The following DGKI variants were observed in gnomAD, a reference collection of about 807,000 sequenced individuals.
DGKI encodes DAG kinase iota.
In DGKI, 55 loss-of-function variants were observed where a neutral mutation model predicts 147.5. The ratio of observed to expected loss-of-function variants is 0.37; its 90% CI spans 0.30 to 0.47. The LOEUF (loss-of-function observed/expected upper bound fraction) is 0.47. DGKI is among the 20% of genes least tolerant of loss of function. The pLI is 1.00. For missense variants in DGKI, 1,007 were observed against 1,323.8 expected (o/e 0.76, Z 3.71); for synonymous variants, 469 against 477.1 (o/e 0.98, Z 0.22).
intron 14 of DGKI, among the ~76,000 whole-genome samples, chr7:137,584,479 C>G (rs1305210352): frequency 6.6e-6 from 1 of 152,118 alleles, no homozygotes; most frequent in Non-Finnish European, 1.5e-5. Flanking sequence ...AATAAAAGCT[C>G]AATCACTAAA....
At chr7:137,394,837 G>T (rs1377225822) in intron 32 of DGKI, among the ~76,000 whole-genome samples, 2 of 152,166 alleles carry the variant, frequency 1.3e-5, no homozygotes, top group Non-Finnish European at 2.9e-5. Context: ...TTGTTATGTG[G>T]CTGGGGTGTT....
chr7:137,566,801 A>T (rs544424538), intron 19 of DGKI, among the ~76,000 whole-genome samples: 7 of 152,270 alleles, frequency 4.6e-5, no homozygotes, highest in African/African-American at 1.7e-4. Flanking sequence ...AACTCTAAAC[A>T]TATATTTTAA....
intron 1 of DGKI, among the ~76,000 whole-genome samples, chr7:137,784,651 C>T (rs1402846295): frequency 6.6e-6 from 1 of 152,090 alleles, no homozygotes; most frequent in Non-Finnish European, 1.5e-5. Flanking sequence ...GAACATTCTA[C>T]CCAACAACTA....
chr7:137,588,955 A>C (rs1195588888), intron 12 of DGKI, among the ~76,000 whole-genome samples: 1 of 152,180 alleles, frequency 6.6e-6, no homozygotes, highest in African/African-American at 2.4e-5. Flanking sequence ...AGTTTACACG[A>C]TATAGATGGC....
chr7:137,493,909 C>T, intron 21 of DGKI: 1 of 608,326 alleles, frequency 1.6e-6, no homozygotes, highest in South Asian at 2.0e-5. Context: ...AAGTTAACAC[C>T]CAATCCAAAA....
At chr7:137,809,188 A>G (rs923097769) in intron 1 of DGKI, among the ~76,000 whole-genome samples, 5 of 152,212 alleles carry the variant, frequency 3.3e-5, no homozygotes, top group Admixed American at 1.3e-4. Context: ...GGGAAATGAC[A>G]GAATCTGATC....
At chr7:137,504,485 T>C (rs983520236) in intron 21 of DGKI, among the ~76,000 whole-genome samples, 1 of 152,180 alleles carries the variant, frequency 6.6e-6, no homozygotes, top group African/African-American at 2.4e-5. Flanking sequence ...TAAAAAAGGT[T>C]ATCACCTTCT....
intron 19 of DGKI, among the ~76,000 whole-genome samples, chr7:137,557,078 C>T (rs1006238902): frequency 1.3e-5 from 2 of 152,130 alleles, no homozygotes; most frequent in Non-Finnish European, 2.9e-5. Flanking sequence ...GGGTCTCTAG[C>T]CTGTCAGCCT....
chr7:137,538,672 G>A lies in DGKI; in HGVS notation c.2147+13697C>T, dbSNP rs112639919. 5.7e-3 allele frequency among the ~76,000 whole-genome samples: 865 copies of A among 152,286 alleles called. 13 individuals are homozygous for A. The highest frequency in any genetic ancestry group is 0.02 in the African/African-American group (826 of 41,556). ...CAGTGGGCAAGAAGAAATGCAGTCCGATAGTTCTCTGCTTCAAAAAACAGG... is the reference window on the plus strand; with the variant it reads ...CAGTGGGCAAGAAGAAATGCAGTCCAATAGTTCTCTGCTTCAAAAAACAGG... On this transcript the variant is annotated intron_variant, in intron 20 of 32. Coordinates refer to ENST00000614521, the MANE Select transcript of DGKI (RefSeq NM_001321708.2).
chr7:137,658,305 T>C (rs917782195), intron 3 of DGKI, among the ~76,000 whole-genome samples: 1 of 152,190 alleles, frequency 6.6e-6, no homozygotes. Flanking sequence ...AAGCAAATCA[T>C]GGTTTCCCTT....
At chr7:137,640,203 T>C (rs1205615939) in intron 6 of DGKI, among the ~76,000 whole-genome samples, 2 of 152,060 alleles carry the variant, frequency 1.3e-5, no homozygotes, top group East Asian at 1.9e-4. Flanking sequence ...GACGAATCTA[T>C]AGGATATTAC....
intron 1 of DGKI, among the ~76,000 whole-genome samples, chr7:137,747,886 T>A (rs1795387239): frequency 6.6e-6 from 1 of 152,224 alleles, no homozygotes; most frequent in Non-Finnish European, 1.5e-5. Flanking sequence ...TTTGTTTTGC[T>A]AAATTGATCA....
At chr7:137,671,137 A>C (rs1258024786) in intron 3 of DGKI, among the ~76,000 whole-genome samples, 1 of 152,182 alleles carries the variant, frequency 6.6e-6, no homozygotes, top group Non-Finnish European at 1.5e-5. Context: ...AGAAAGCTGA[A>C]AGTTTCCTTC....
At chr7:137,452,212 G>A (rs1370312175) in intron 27 of DGKI, among the ~76,000 whole-genome samples, 1 of 152,172 alleles carries the variant, frequency 6.6e-6, no homozygotes, top group Non-Finnish European at 1.5e-5. Flanking sequence ...AAACATGCAG[G>A]ACAGGTGTGA....
intron 10 of DGKI, among the ~76,000 whole-genome samples, chr7:137,601,810 A>G (rs1820000566): frequency 6.6e-6 from 1 of 152,236 alleles, no homozygotes; most frequent in Non-Finnish European, 1.5e-5. Flanking sequence ...TCCTGTTGTT[A>G]CATAGGCCAA....
At chr7:137,560,307 T>C (rs1423319225) in intron 19 of DGKI, among the ~76,000 whole-genome samples, 1 of 152,232 alleles carries the variant, frequency 6.6e-6, no homozygotes, top group Non-Finnish European at 1.5e-5. Context: ...TTCTATTTCA[T>C]GGCCTATGAG....
Position 137,388,242 on chromosome 7 carries a change from T to C in DGKI, c.*2978A>G, listed in dbSNP as rs1811238210. The C allele has an allele frequency of 1.3e-5, 2 of 152,206 alleles. No homozygotes were observed. The highest frequency in any genetic ancestry group is 6.5e-5 in the Admixed American group (1 of 15,268). 9.4% of individuals were successfully genotyped at this position (152,206 alleles called of 1,614,324 possible). ...AATACGATAAAGCACAGTTTAACTG[T>C]GTTCTATTTTGTTAAATGCACAATA... is the stretch of plus-strand genomic sequence containing the variant. On this transcript the variant is annotated 3_prime_UTR_variant, in exon 33 of 33. Coordinates refer to ENST00000614521, the MANE Select transcript of DGKI (RefSeq NM_001321708.2).
At chr7:137,811,663 C>T (rs1797587912) in intron 1 of DGKI, among the ~76,000 whole-genome samples, 1 of 152,134 alleles carries the variant, frequency 6.6e-6, no homozygotes, top group African/African-American at 2.4e-5. Flanking sequence ...ATCATGTACA[C>T]CCAATTAGGA....
chr7:137,753,412 T>C (rs1311256599), intron 1 of DGKI, among the ~76,000 whole-genome samples: 2 of 152,134 alleles, frequency 1.3e-5, no homozygotes, highest in Non-Finnish European at 1.5e-5. Context: ...ACCACATGTA[T>C]TTAGGAATTT....
Sources: allele counts gnomAD v4.1 joint callset (sites outside exome capture counted in the v4.1 genomes callset), GRCh38; gene constraint gnomAD v4.1.1; transcripts MANE v1.5; gene names NCBI Gene and HGNC (gene_info 2026-07-23, HGNC 2026-07-21).